Variants in USP8 observed in about 807,000 individuals in gnomAD.
USP8 encodes ubiquitin carboxyl-terminal hydrolase 8.
Under a neutral mutation model 130.0 loss-of-function variants are expected in USP8, and 27 were observed. The ratio of observed to expected loss-of-function variants is 0.21; its 90% CI spans 0.15 to 0.29. The LOEUF is 0.29. Ranked by LOEUF, USP8 falls within the 10% of genes least tolerant of loss-of-function variation. USP8 has a pLI of 1.00. For synonymous variants in USP8, 392 were observed against 444.1 expected (o/e 0.88, Z 1.48); for missense variants, 1,029 against 1,312.2 (o/e 0.78, Z 3.33).
chr15:50,441,111 G>T (rs1193590810), intron 2 of USP8, among the ~76,000 whole-genome samples: 3 of 152,106 alleles, frequency 2.0e-5, no homozygotes, highest in Non-Finnish European at 2.9e-5. Flanking sequence ...AGGAGGTGGA[G>T]CTCAGGTGGT....
chr15:50,466,603 A>G (rs2051196989), intron 7 of USP8: 1 of 155,930 alleles, frequency 6.4e-6, no homozygotes, highest in Admixed American at 6.5e-5. Flanking sequence ...TCAAAAAAAA[A>G]AAAAAAAAAA....
chr15:50,475,407 T>C (rs1387856851), intron 8 of USP8, among the ~76,000 whole-genome samples: 3 of 152,074 alleles, frequency 2.0e-5, no homozygotes, highest in African/African-American at 7.2e-5. Context: ...TTTGTAAAAA[T>C]TATAAAGATG....
In USP8 at chr15:50,496,233, G is replaced by A. The variant is rs750219694; in HGVS notation, c.2895+149G>A. The A allele has an allele frequency of 2.8e-4, 173 of 622,706 alleles. 1 individual carries two copies. Among genetic ancestry groups the A allele is most frequent in the Middle Eastern group, 2.7e-3 (6 of 2,220 alleles). 38.6% of individuals were successfully genotyped at this position (622,706 alleles called of 1,614,324 possible). On this transcript the variant is annotated intron_variant, in intron 17 of 19. Transcript: ENST00000307179. Reference sequence around the variant, plus strand: ...CAGTGGCTCATACCTTGTACTCCCAGCACTTTGGGAGGCCGAGGTGGGCGG... The same window carrying A: ...CAGTGGCTCATACCTTGTACTCCCAACACTTTGGGAGGCCGAGGTGGGCGG...
intron 7 of USP8, among the ~76,000 whole-genome samples, chr15:50,466,143 G>T (rs1490624508): frequency 6.6e-6 from 1 of 152,116 alleles, no homozygotes; most frequent in African/African-American, 2.4e-5. Context: ...TCACTATTTC[G>T]AGCATTCTTA....
In USP8 at chr15:50,500,812, C is replaced by A. The variant is rs75814199; in HGVS notation, c.*1724C>A. On this transcript the variant is annotated 3_prime_UTR_variant, in exon 20 of 20. Transcript: ENST00000307179. Reference sequence around the variant, plus strand: ...ATTCTTGCAGAAAGCAGTGTAGTGGCCACCATCCAAATCACCAAAATGGTT... The same window carrying A: ...ATTCTTGCAGAAAGCAGTGTAGTGGACACCATCCAAATCACCAAAATGGTT... 6.3e-7 allele frequency: 1 copy of A among 1,587,720 alleles called. No individual in the cohort carries two copies. Among genetic ancestry groups the A allele is most frequent in the South Asian group, 1.2e-5 (1 of 86,714 alleles).
intron 4 of USP8, among the ~76,000 whole-genome samples, chr15:50,450,146 C>G (rs1016171482): frequency 2.0e-5 from 3 of 152,070 alleles, no homozygotes; most frequent in Non-Finnish European, 2.9e-5. Flanking sequence ...CCGCCCGCCT[C>G]AGCCTCCCAA....
At chr15:50,463,167 C>T (rs150074816) in intron 6 of USP8, among the ~76,000 whole-genome samples, 170 of 152,128 alleles carry the variant, frequency 1.1e-3, no homozygotes, top group African/African-American at 3.9e-3. Context: ...GAGAATTGTT[C>T]GAGCCCGGGA....
At chr15:50,462,367 G>T in intron 6 of USP8, 45 bp downstream of exon 6, 1 of 1,528,444 alleles carries the variant, frequency 6.5e-7, no homozygotes, top group Non-Finnish European at 8.9e-7. Context: ...TTCTGACTGA[G>T]ATCTTTTAAT....
chr15:50,428,902 G>A (rs570912018), intron 1 of USP8, among the ~76,000 whole-genome samples: 1 of 152,096 alleles, frequency 6.6e-6, no homozygotes, highest in Middle Eastern at 3.2e-3. Flanking sequence ...AGTAAAATGA[G>A]GGTTACTTGA....
intron 1 of USP8, among the ~76,000 whole-genome samples, chr15:50,426,188 T>C (rs977910757): frequency 1.3e-5 from 2 of 152,138 alleles, no homozygotes; most frequent in South Asian, 4.1e-4. Context: ...GGTAAGACAG[T>C]TGGAAAATAA....
rs1378168196 is a variant in USP8, at chr15:50,506,322, A to C, written c.*7234A>C. 1 of 152,284 alleles carries C rather than the reference A, an allele frequency of 6.6e-6. No individual in the cohort carries two copies. Among genetic ancestry groups the C allele is most frequent in the Non-Finnish European group, 1.5e-5 (1 of 68,150 alleles). The allele number at this position is 152,284 out of a possible 1,614,324, so 9.4% of individuals were successfully genotyped here. A position where few individuals can be genotyped will look rare whatever the true frequency, so the allele number is the denominator to read the frequency against. On this transcript the variant is annotated 3_prime_UTR_variant, in exon 20 of 20. Transcript: ENST00000307179. ...CGCCTCCTGTCAGATCAGCTGCTGCATTAGATTCTCACAGCAGCACAAACT... is the reference window on the plus strand; with the variant it reads ...CGCCTCCTGTCAGATCAGCTGCTGCCTTAGATTCTCACAGCAGCACAAACT...
chr15:50,495,770 T>C, intron 16 of USP8, 78 bp from the exon 17 acceptor site: 1 of 1,163,216 alleles, frequency 8.6e-7, no homozygotes, highest in Non-Finnish European at 1.2e-6. Flanking sequence ...TGGCAAGTGT[T>C]TGTATTCACT....
Position 50,458,993 on chromosome 15 carries a change from C to T in USP8, c.336-7C>T. 1 of 1,610,982 alleles carries T rather than the reference C, an allele frequency of 6.2e-7. No individual in the cohort carries two copies. The highest frequency in any genetic ancestry group is 8.5e-7 in the Non-Finnish European group (1 of 1,179,528). ...AAAAGACAATCTTGACTTATTTTTT[C>T]AACTAGATATGAAGAAGCTGAAGTC... On this transcript the variant is annotated splice_region_variant and splice_polypyrimidine_tract_variant and intron_variant, in intron 4 of 19. Transcript: ENST00000307179.
intron 1 of USP8, among the ~76,000 whole-genome samples, chr15:50,438,573 A>G (rs1215763068): frequency 6.6e-6 from 1 of 152,210 alleles, no homozygotes; most frequent in East Asian, 1.9e-4. Context: ...TGACAGGGTG[A>G]GACCCTATCT....
At chr15:50,428,913 A>G (rs1214402616) in intron 1 of USP8, among the ~76,000 whole-genome samples, 1 of 152,204 alleles carries the variant, frequency 6.6e-6, no homozygotes, top group South Asian at 2.1e-4. Flanking sequence ...GGTTACTTGA[A>G]CACAAGCACT....
At chr15:50,485,328 T>G (rs1452341177) in intron 12 of USP8, among the ~76,000 whole-genome samples, 2 of 150,976 alleles carry the variant, frequency 1.3e-5, no homozygotes, top group East Asian at 3.9e-4. Flanking sequence ...CAGGCACCTG[T>G]AGTTCCAGCT....
chr15:50,481,507 C>A lies in USP8; in HGVS notation c.1245C>A (p.Val415=). The A allele has an allele frequency of 6.3e-7, 1 of 1,591,480 alleles. No individual in the cohort carries two copies. The highest frequency in any genetic ancestry group is 1.2e-5 in the South Asian group (1 of 86,334). The part of the protein sequence containing the change: ...PQIDRTKKPA[V]KLPEEHRIKS... ...TTGATCGTACTAAAAAACCAGCAGT[C>A]AAATTGCCTGAAGAGCATAGAATAA... is the stretch of plus-strand genomic sequence containing the variant. The change falls in exon 11 of 20, where the codon GTC becomes GTA. Residue 415 remains valine, a synonymous_variant. Coordinates refer to ENST00000307179, the MANE Select transcript of USP8 (RefSeq NM_005154.5).
rs575515579 is a variant in USP8 at position 50,500,825 on chromosome 15, C to A, written c.*1737C>A. On this transcript the variant is annotated 3_prime_UTR_variant, in exon 20 of 20. Transcript: ENST00000307179. ...GCAGTGTAGTGGCCACCATCCAAAT[C>A]ACCAAAATGGTTCTATGGGAGAAAG... The A allele has an allele frequency of 4.4e-6, 7 of 1,582,746 alleles. No homozygotes were observed. Among genetic ancestry groups the A allele is most frequent in the Non-Finnish European group, 6.0e-6 (7 of 1,163,674 alleles).
rs1163427241 is a variant in USP8 at position 50,495,302 on chromosome 15, ACG to A, written c.2659-545_2659-544del. Among the ~76,000 whole-genome samples the A allele has an allele frequency of 1.0e-3, 69 of 67,626 alleles. 2 individuals carry two copies. Among genetic ancestry groups the A allele is most frequent in the African/African-American group, 3.8e-3 (56 of 14,572 alleles). The allele number at this position is 67,626 out of a possible 152,430, so 44.4% of individuals were successfully genotyped here. A position where few individuals can be genotyped will look rare whatever the true frequency, so the allele number is the denominator to read the frequency against. On this transcript the variant is annotated intron_variant, in intron 16 of 19. Coordinates refer to ENST00000307179, the MANE Select transcript of USP8 (RefSeq NM_005154.5). ...TATACACATACATATATACATATAT[ACG>A]TGTATATATACATACATATATACAC... is the stretch of plus-strand genomic sequence containing the variant.
Sources: gnomAD v4.1 joint callset for allele counts (sites outside exome capture counted in the v4.1 genomes callset) on GRCh38, gnomAD v4.1.1 for gene constraint, MANE v1.5 for transcripts, NCBI Gene and HGNC (gene_info 2026-07-23, HGNC 2026-07-21) for gene names.